COLEC12: variants seen among roughly 807,000 people sequenced by gnomAD.
The protein encoded by COLEC12 is collectin subfamily member 12, also known as collectin-12.
COLEC12 carries 33 observed loss-of-function variants against 71.1 expected under a neutral mutation model. The observed-to-expected ratio is 0.46, with a 90% CI of 0.35 to 0.62. COLEC12 has a LOEUF of 0.62. Among genes scored for constraint, COLEC12 ranks in the 20% least tolerant of loss-of-function variants. COLEC12 has a pLI of 0.00. For missense variants in COLEC12, 765 were observed against 916.1 expected (o/e 0.84, Z 2.13); for synonymous variants, 350 against 353.0 (o/e 0.99, Z 0.10).
chr18:364,159 G>A (rs754876748), intron 2 of COLEC12, among the ~76,000 whole-genome samples: 1 of 152,080 alleles, frequency 6.6e-6, no homozygotes, highest in Non-Finnish European at 1.5e-5. Context: ...AAGGCAGTCA[G>A]TTCTGGTTTG....
chr18:462,814 T>C lies in COLEC12; in HGVS notation c.58+17893A>G, dbSNP rs114721019. The stretch of plus-strand genomic sequence containing the variant: ...GGTTGAGCATGTGACCACATGGATA[T>C]GGATTTATAAGCATTCTACCAAGAC... On this transcript the variant is annotated intron_variant, in intron 2 of 9. Transcript: ENST00000400256. Among the ~76,000 whole-genome samples, 1,079 of 152,322 alleles carry C rather than the reference T, an allele frequency of 7.1e-3. 21 individuals carry two copies. The highest frequency in any genetic ancestry group is 0.025 in the African/African-American group (1,044 of 41,578).
intron 2 of COLEC12, among the ~76,000 whole-genome samples, chr18:363,391 A>T (rs547259259): frequency 2.0e-5 from 3 of 152,304 alleles, no homozygotes; most frequent in Non-Finnish European, 4.4e-5. Context: ...GGCTATTTTC[A>T]TGATCACAAG....
intron 2 of COLEC12, among the ~76,000 whole-genome samples, chr18:400,349 A>G (rs1275705479): frequency 1.3e-5 from 2 of 152,220 alleles, no homozygotes; most frequent in Admixed American, 1.3e-4. Flanking sequence ...ATACTTAAAC[A>G]TATGACAAAA....
chr18:366,367 T>C (rs973763875), intron 2 of COLEC12, among the ~76,000 whole-genome samples: 2 of 152,102 alleles, frequency 1.3e-5, no homozygotes, highest in African/African-American at 4.8e-5. Context: ...GCTCTGCTCA[T>C]TTCCCCTCTG....
rs534031931 is a variant in COLEC12, at chr18:442,887, G to A, written c.58+37820C>T. ...GAGGCAGGAGAATGGCGTGAACCCG[G>A]GAGGTGGAGCTTGCAGTGAGCCGAG... On this transcript the variant is annotated intron_variant, in intron 2 of 9. Transcript: ENST00000400256. Among the ~76,000 whole-genome samples the A allele has an allele frequency of 3.3e-5, 5 of 152,338 alleles. No homozygotes were observed. The East Asian group carries it at 9.7e-4, about 29-fold the overall frequency.
intron 2 of COLEC12, among the ~76,000 whole-genome samples, chr18:413,912 A>C (rs1915939442): frequency 6.6e-6 from 1 of 152,236 alleles, no homozygotes; most frequent in Non-Finnish European, 1.5e-5. Flanking sequence ...ATGGTTATAT[A>C]CTCTATGATT....
At chr18:364,534 T>A (rs1231322655) in intron 2 of COLEC12, among the ~76,000 whole-genome samples, 1 of 152,176 alleles carries the variant, frequency 6.6e-6, no homozygotes, top group African/African-American at 2.4e-5. Context: ...TGTCAACATT[T>A]CAGCAGCCTG....
chr18:345,336 T>C (rs969935184), intron 5 of COLEC12, among the ~76,000 whole-genome samples: 1 of 152,222 alleles, frequency 6.6e-6, no homozygotes, highest in African/African-American at 2.4e-5. Flanking sequence ...ATATGGATGA[T>C]CTGGATAACA....
chr18:484,105 A>G (rs1250589696), intron 1 of COLEC12, among the ~76,000 whole-genome samples: 1 of 152,152 alleles, frequency 6.6e-6, no homozygotes, highest in Admixed American at 6.5e-5. Context: ...TTCTCCCCCA[A>G]AAGCTTCATT....
intron 2 of COLEC12, among the ~76,000 whole-genome samples, chr18:402,585 C>T (rs545011855): frequency 1.7e-3 from 254 of 152,202 alleles, no homozygotes; most frequent in Middle Eastern, 0.01. Flanking sequence ...CTCTGCTGCA[C>T]CTGGGAAATC....
chr18:425,476 G>C (rs1167530442), intron 2 of COLEC12, among the ~76,000 whole-genome samples: 1 of 152,172 alleles, frequency 6.6e-6, no homozygotes, highest in Non-Finnish European at 1.5e-5. Context: ...TGCTGGGCCA[G>C]AGCTTTTCCT....
intron 2 of COLEC12, among the ~76,000 whole-genome samples, chr18:363,716 C>T (rs1249509486): frequency 6.6e-6 from 1 of 152,136 alleles, no homozygotes; most frequent in Admixed American, 6.5e-5. Context: ...ATCACTGGAA[C>T]AAAAGTTAAA....
In COLEC12 at chr18:480,756, G is replaced by C; in HGVS notation, c.9C>G (p.Asp3Glu). Reference protein sequence around the residue: MKDDFAEEEEVQS... With the variant: MKEDFAEEEEVQS... ...GCACCTCCTCCTCCTCTGCGAAGTC[G>C]TCTGTGAGAGAAGAAGAGACACGAT... The change falls in exon 2 of 10, where the codon GAC (aspartate) becomes GAG (glutamate). Residue 3 changes from aspartate to glutamate, a missense_variant and splice_region_variant. By Grantham distance (45) the Asp-to-Glu change is conservative. Transcript: ENST00000400256. The surrounding 1 kb of genome is among the most constrained non-coding windows in gnomAD (Gnocchi z 4.1). 6.2e-7 allele frequency: 1 copy of C among 1,613,956 alleles called. No individual in the cohort carries two copies. The highest frequency in any genetic ancestry group is 8.5e-7 in the Non-Finnish European group (1 of 1,179,840).
At chr18:486,489 TTTA>T (rs1917520653) in intron 1 of COLEC12, among the ~76,000 whole-genome samples, 1 of 152,108 alleles carries the variant, frequency 6.6e-6, no homozygotes, top group South Asian at 2.1e-4. Flanking sequence ...CTGGCTGCAT[TTTA>T]TTATGTTTCT....
intron 2 of COLEC12, among the ~76,000 whole-genome samples, chr18:468,864 C>T (rs1282471223): frequency 1.3e-5 from 2 of 152,200 alleles, no homozygotes; most frequent in Non-Finnish European, 2.9e-5. Context: ...ATCGGAGGTA[C>T]ATTTTAATCT....
At chr18:464,959 C>A (rs190318832) in intron 2 of COLEC12, among the ~76,000 whole-genome samples, 1 of 152,230 alleles carries the variant, frequency 6.6e-6, no homozygotes, top group Non-Finnish European at 1.5e-5. Flanking sequence ...AGGTTCTAGA[C>A]GCTCCCATCA....
intron 2 of COLEC12, among the ~76,000 whole-genome samples, chr18:469,182 G>T (rs762282467): frequency 6.6e-6 from 1 of 152,208 alleles, no homozygotes; most frequent in African/African-American, 2.4e-5. Context: ...GCAGAGGGGC[G>T]TTCCCGACCT....
intron 2 of COLEC12, among the ~76,000 whole-genome samples, chr18:392,092 G>A (rs915508608): frequency 4.6e-5 from 7 of 152,170 alleles, no homozygotes; most frequent in Non-Finnish European, 8.8e-5. Context: ...GAACCAGACT[G>A]TGCCTGTCTC....
chr18:332,354 A>AAGGG (rs1914002832), intron 7 of COLEC12, among the ~76,000 whole-genome samples: 1 of 152,152 alleles, frequency 6.6e-6, no homozygotes, highest in Non-Finnish European at 1.5e-5. Context: ...ACTTAGGGAG[A>AAGGG]AGGGAGGAGG....
Sources: allele counts gnomAD v4.1 joint callset (sites outside exome capture counted in the v4.1 genomes callset), GRCh38; gene constraint gnomAD v4.1.1; non-coding constraint Gnocchi (gnomAD v3.1); transcripts MANE v1.5; gene names NCBI Gene and HGNC (gene_info 2026-07-23, HGNC 2026-07-21).